ZDHHC7: variants seen among roughly 807,000 people sequenced by gnomAD.
ZDHHC7 encodes zDHHC palmitoyltransferase 7, also known as palmitoyltransferase ZDHHC7.
Under a neutral mutation model 34.1 loss-of-function variants are expected in ZDHHC7, and 12 were observed. That is an observed-to-expected ratio of 0.35 (90% CI 0.23 to 0.57). The LOEUF is 0.57. Ranked by LOEUF, ZDHHC7 falls within the 20% of genes least tolerant of loss-of-function variation. ZDHHC7 has a pLI of 0.84. For missense variants in ZDHHC7, 388 were observed against 402.7 expected (o/e 0.96, Z 0.31); for synonymous variants, 185 against 155.4 (o/e 1.19, Z -1.42).
intron 3 of ZDHHC7, among the ~76,000 whole-genome samples, chr16:84,984,340 T>G (rs1407007146): frequency 6.6e-6 from 1 of 152,092 alleles, no homozygotes; most frequent in Non-Finnish European, 1.5e-5. Context: ...CAATCAACTT[T>G]CCTCCAACAA....
chr16:85,022,966 T>C, the ZDHHC7 span, among the ~76,000 whole-genome samples: 4 of 152,146 alleles, frequency 2.6e-5, no homozygotes, highest in African/African-American at 9.6e-5. Context: ...TGAGGAACTG[T>C]TCCAGAGTAA....
chr16:85,015,614 G>A (rs2072830948), upstream of ZDHHC7, among the ~76,000 whole-genome samples: 1 of 152,124 alleles, frequency 6.6e-6, no homozygotes, highest in Admixed American at 6.5e-5. Flanking sequence ...ATACTGGGGG[G>A]CCAAGGCAGG....
chr16:84,996,940 T>G (rs1275434440), intron 1 of ZDHHC7, among the ~76,000 whole-genome samples: 5 of 151,114 alleles, frequency 3.3e-5, no homozygotes, highest in African/African-American at 1.2e-4. Context: ...GGCAGAGAAC[T>G]GCTTGAACCC....
intron 3 of ZDHHC7, among the ~76,000 whole-genome samples, chr16:84,984,944 G>A (rs894759363): frequency 2.0e-5 from 3 of 152,240 alleles, no homozygotes; most frequent in African/African-American, 7.2e-5. Flanking sequence ...AGGGGCTGGA[G>A]CACCGTTTCC....
chr16:84,982,686 A>G (rs979943765), intron 3 of ZDHHC7, among the ~76,000 whole-genome samples: 10 of 152,260 alleles, frequency 6.6e-5, no homozygotes, highest in African/African-American at 2.4e-4. Flanking sequence ...AAAGGCATTC[A>G]CACACAAACC....
Position 84,978,123 on chromosome 16 carries a change from C to T in ZDHHC7, c.538-118G>A, listed in dbSNP as rs145446234. 12 of 667,188 alleles carry T rather than the reference C, an allele frequency of 1.8e-5. No homozygotes were observed. In the Admixed American group the frequency reaches 2.2e-4, roughly 12 times the overall value. 41.3% of individuals were successfully genotyped at this position (667,188 alleles called of 1,614,324 possible). A position where few individuals can be genotyped will look rare whatever the true frequency, so the allele number is the denominator to read the frequency against. On this transcript the variant is annotated intron_variant, in intron 5 of 7. Coordinates refer to ENST00000313732, the MANE Select transcript of ZDHHC7 (RefSeq NM_017740.3). ...CGTAGTCTCAGCTCACTGCAACCTC[C>T]GCCTGCCAGACTCAAGCGATTCTCC...
intron 1 of ZDHHC7, among the ~76,000 whole-genome samples, chr16:85,003,118 G>C (rs998771161): frequency 6.6e-6 from 1 of 152,128 alleles, no homozygotes; most frequent in African/African-American, 2.4e-5. Flanking sequence ...GATGCAAGCG[G>C]GAGAGGCCAA....
At position 84,977,092 on chromosome 16, in the gene ZDHHC7, T is replaced by C. The variant is rs752722184; in HGVS notation, c.750+3A>G. The C allele has an allele frequency of 7.4e-6, 12 of 1,614,042 alleles. No individual in the cohort carries two copies. Among genetic ancestry groups the C allele is most frequent in the South Asian group, 1.1e-5 (1 of 91,086 alleles). On this transcript the variant is annotated splice_donor_region_variant and intron_variant, in intron 7 of 7. Coordinates refer to ENST00000313732, the MANE Select transcript of ZDHHC7 (RefSeq NM_017740.3). ...AGTCCACACAGCCGAGAACAAAGCT[T>C]ACCGTCTCGTCGTTGCATATGGAGT...
chr16:85,019,244 C>A, the ZDHHC7 span, among the ~76,000 whole-genome samples: 2 of 152,222 alleles, frequency 1.3e-5, no homozygotes, highest in African/African-American at 4.8e-5. Context: ...TCACGTCTCA[C>A]CTGTATCCTT....
the ZDHHC7 span, among the ~76,000 whole-genome samples, chr16:85,025,864 G>A: frequency 6.6e-6 from 1 of 152,180 alleles, no homozygotes; most frequent in Non-Finnish European, 1.5e-5. Flanking sequence ...TTAACCTAGT[G>A]TGACTTGGTC....
At chr16:84,976,835 C>A (rs1403958107) in intron 7 of ZDHHC7, among the ~76,000 whole-genome samples, 1 of 152,244 alleles carries the variant, frequency 6.6e-6, no homozygotes, top group Non-Finnish European at 1.5e-5. Context: ...TAAAGGCAGT[C>A]AGTTCCCTGA....
At chr16:84,976,595 C>A (rs1050366833) in intron 7 of ZDHHC7, 76 bp from the exon 8 acceptor site, 18 of 1,545,114 alleles carry the variant, frequency 1.2e-5, no homozygotes, top group African/African-American at 7.0e-5. Flanking sequence ...AGAATCACAC[C>A]GTGCTCAAGC....
chr16:84,991,580 AC>A (rs1486369061), intron 2 of ZDHHC7, among the ~76,000 whole-genome samples: 4 of 149,862 alleles, frequency 2.7e-5, no homozygotes, highest in Non-Finnish European at 4.4e-5. Context: ...GAGCCACTGC[AC>A]CCGGCCTCTA....
intron 3 of ZDHHC7, among the ~76,000 whole-genome samples, chr16:84,987,360 CA>C (rs2072449900): frequency 6.6e-6 from 1 of 151,914 alleles, no homozygotes; most frequent in Non-Finnish European, 1.5e-5. Context: ...TACGGCGTCA[CA>C]AAAGAATGGC....
intron 1 of ZDHHC7, among the ~76,000 whole-genome samples, chr16:85,001,658 T>C (rs1014673708): frequency 2.6e-5 from 4 of 152,202 alleles, no homozygotes; most frequent in Non-Finnish European, 5.9e-5. Context: ...TCCACACATA[T>C]ATTTACTTGC....
chr16:84,989,988 T>C (rs918550062), intron 3 of ZDHHC7, among the ~76,000 whole-genome samples: 3 of 152,152 alleles, frequency 2.0e-5, no homozygotes, highest in African/African-American at 4.8e-5. Flanking sequence ...CTGCAAGATC[T>C]GTACGATCGG....
intron 4 of ZDHHC7, 138 bp from the exon 5 acceptor site, chr16:84,979,423 C>A (rs913635275): frequency 9.5e-6 from 12 of 1,265,864 alleles, no homozygotes; most frequent in Non-Finnish European, 1.3e-5. Flanking sequence ...TACATTCTCA[C>A]TATATTCCTT....
chr16:84,978,108 G>T, intron 5 of ZDHHC7, 103 bp from the exon 6 acceptor site: 1 of 832,204 alleles, frequency 1.2e-6, no homozygotes, highest in Non-Finnish European at 1.8e-6. Flanking sequence ...CGTAGTCTCA[G>T]CTCACTGCAA....
At chr16:85,000,351 T>A (rs1450892370) in intron 1 of ZDHHC7, among the ~76,000 whole-genome samples, 1 of 152,200 alleles carries the variant, frequency 6.6e-6, no homozygotes, top group Non-Finnish European at 1.5e-5. Flanking sequence ...TTGGATTTAC[T>A]TGTATCTGTA....
Sources: allele counts gnomAD v4.1 joint callset (sites outside exome capture counted in the v4.1 genomes callset), GRCh38; gene constraint gnomAD v4.1.1; transcripts MANE v1.5; gene names NCBI Gene and HGNC (gene_info 2026-07-23, HGNC 2026-07-21).